EFHC2: variants seen among roughly 807,000 people sequenced by gnomAD.
EFHC2 encodes EF-hand domain-containing family member C2.
A neutral mutation model predicts 52.7 loss-of-function variants in EFHC2; 18 were observed. That is an observed-to-expected ratio of 0.34 (90% confidence interval 0.24 to 0.51). The LOEUF (loss-of-function observed/expected upper bound fraction) is 0.51, where lower values mean the gene tolerates loss of function less well. Among genes scored for constraint, EFHC2 ranks in the 20% least tolerant of loss-of-function variants. EFHC2 has a pLI of 0.97. For synonymous variants in EFHC2, 203 were observed against 204.1 expected (o/e 0.99, Z 0.04); for missense variants, 513 against 562.5 (o/e 0.91, Z 0.89).
At chrX:44,274,849 GCCA>G (rs2037643684) in intron 2 of EFHC2, among the ~76,000 whole-genome samples, 2 of 111,153 alleles carry the variant, frequency 1.8e-5, no homozygotes, top group African/African-American at 6.6e-5. Context: ...TTATGACCTC[GCCA>G]CTGCACTCCA....
intron 11 of EFHC2, among the ~76,000 whole-genome samples, chrX:44,222,474 G>A (rs17215020): frequency 0.14 from 16,171 of 111,568 alleles, 1,018 homozygotes; most frequent in Admixed American, 0.31. Flanking sequence ...CTATAAACCT[G>A]TTTTTAATCC....
chrX:44,291,151 AG>A (rs2037790065), intron 2 of EFHC2, among the ~76,000 whole-genome samples: 1 of 111,699 alleles, frequency 9.0e-6, no homozygotes, highest in Non-Finnish European at 1.9e-5. Flanking sequence ...GGGATTGTGG[AG>A]GTGGGGGTAC....
chrX:44,310,391 T>C (rs908876291), intron 2 of EFHC2: 14 of 1,006,557 alleles, frequency 1.4e-5, no homozygotes, highest in Admixed American at 1.4e-4. Context: ...GTTCACCTTG[T>C]CGACCAGGCT....
At chrX:44,247,807 A>C (rs2037411447) in intron 7 of EFHC2, among the ~76,000 whole-genome samples, 1 of 112,134 alleles carries the variant, frequency 8.9e-6, no homozygotes, top group South Asian at 3.7e-4. Context: ...ATATCTGAGA[A>C]GAGAGAAGCT....
intron 11 of EFHC2, among the ~76,000 whole-genome samples, chrX:44,202,725 T>C (rs186039994): frequency 9.0e-6 from 1 of 110,745 alleles, no homozygotes; most frequent in Non-Finnish European, 1.9e-5. Context: ...TTTGAGCCAC[T>C]GCACCACCAG....
intron 4 of EFHC2, among the ~76,000 whole-genome samples, chrX:44,252,127 G>A (rs894049600): frequency 1.8e-5 from 2 of 111,542 alleles, no homozygotes; most frequent in Non-Finnish European, 3.8e-5. Flanking sequence ...AATGGAGAAG[G>A]TCTTAAGGTC....
At chrX:44,198,417 C>T (rs1187860205) in intron 11 of EFHC2, among the ~76,000 whole-genome samples, 2 of 111,657 alleles carry the variant, frequency 1.8e-5, no homozygotes, top group Non-Finnish European at 3.8e-5. Context: ...ACGATCACAG[C>T]CAAATCCAGT....
At position 44,249,018 on chromosome X, in the gene EFHC2, TTGAA is replaced by T. The variant is rs768547073; in HGVS notation, c.859-106_859-103del. The T allele has an allele frequency of 1.6e-5, 7 of 440,602 alleles. No individual in the cohort carries two copies. The East Asian group carries it at 2.4e-4, about 15-fold the overall frequency. The allele number at this position is 440,602 out of a possible 1,213,427, so 36.3% of individuals were successfully genotyped here. On this transcript the variant is annotated intron_variant, in intron 5 of 14. Transcript: ENST00000420999. Reference sequence around the variant, plus strand: ...AGAGGTGGCACTCAATGAATATTTGTTGAATGAATGAATAAAATGAATTAACTAA... The same window carrying T: ...AGAGGTGGCACTCAATGAATATTTGTTGAATGAATAAAATGAATTAACTAA...
intron 2 of EFHC2, among the ~76,000 whole-genome samples, chrX:44,304,955 G>A (rs1426800028): frequency 2.7e-5 from 3 of 110,219 alleles, no homozygotes; most frequent in Non-Finnish European, 5.7e-5. Flanking sequence ...AGGGTGAGGC[G>A]ATTTAAAACA....
At chrX:44,238,720 T>C (rs999524177) in intron 8 of EFHC2, among the ~76,000 whole-genome samples, 2 of 111,792 alleles carry the variant, frequency 1.8e-5, no homozygotes, top group African/African-American at 6.5e-5. Flanking sequence ...GTAAAGTCCA[T>C]CAAGACCACA....
chrX:44,339,394 G>A (rs1022207410), intron 1 of EFHC2, among the ~76,000 whole-genome samples: 1 of 111,397 alleles, frequency 9.0e-6, no homozygotes, highest in African/African-American at 3.3e-5. Context: ...CATGGAAATT[G>A]TTGGAAAAAA....
chrX:44,176,744 T>C (rs747572567), intron 12 of EFHC2, among the ~76,000 whole-genome samples: 5 of 112,237 alleles, frequency 4.5e-5, no homozygotes, highest in Non-Finnish European at 7.5e-5. Flanking sequence ...ATCTCTTAAT[T>C]TGACAGGCAT....
intron 11 of EFHC2, among the ~76,000 whole-genome samples, chrX:44,214,888 T>C (rs765080240): frequency 1.2e-4 from 13 of 111,812 alleles, no homozygotes; most frequent in Non-Finnish European, 2.3e-4. Context: ...GTGAAGCTAG[T>C]ATAGTGTTAT....
At chrX:44,324,496 ATTGGATAGCTACATGC>A (rs2147391572) in intron 1 of EFHC2, among the ~76,000 whole-genome samples, 1 of 111,127 alleles carries the variant, frequency 9.0e-6, no homozygotes, top group African/African-American at 3.3e-5. Context: ...AGAAGAACCC[ATTGGATAGCTACATGC>A]TTGCTTCTTT....
At chrX:44,160,497 G>A (rs1467672165) in intron 14 of EFHC2, among the ~76,000 whole-genome samples, 1 of 111,791 alleles carries the variant, frequency 8.9e-6, no homozygotes, top group Non-Finnish European at 1.9e-5. Flanking sequence ...TCTTACTGTA[G>A]GTTGTAGTAC....
chrX:44,169,722 TACACACAC>T (rs10642638), intron 13 of EFHC2, among the ~76,000 whole-genome samples: 1 of 102,915 alleles, frequency 9.7e-6, no homozygotes, highest in Non-Finnish European at 2.0e-5. Flanking sequence ...TAGCTACACA[TACACACAC>T]ACACACACAC....
intron 1 of EFHC2, among the ~76,000 whole-genome samples, chrX:44,335,151 G>C (rs1471288669): frequency 9.2e-6 from 1 of 108,204 alleles, no homozygotes; most frequent in Non-Finnish European, 1.9e-5. Flanking sequence ...ACCAAGTATT[G>C]AATAAAAGGG....
intron 11 of EFHC2, among the ~76,000 whole-genome samples, chrX:44,188,484 T>C (rs1425551914): frequency 9.0e-6 from 1 of 111,662 alleles, no homozygotes; most frequent in Non-Finnish European, 1.9e-5. Flanking sequence ...ATTAACTTTA[T>C]GTCAAATGAT....
intron 2 of EFHC2, among the ~76,000 whole-genome samples, chrX:44,279,555 G>T (rs888955717): frequency 6.3e-5 from 7 of 111,008 alleles, no homozygotes; most frequent in Non-Finnish European, 9.4e-5. Flanking sequence ...GCATGACAGA[G>T]ATGCAATTAT....
Sources: allele counts gnomAD v4.1 joint callset (sites outside exome capture counted in the v4.1 genomes callset), GRCh38; gene constraint gnomAD v4.1.1; transcripts MANE v1.5; gene names NCBI Gene and HGNC (gene_info 2026-07-23, HGNC 2026-07-21).